Variants in GRIN2A observed in about 807,000 individuals in gnomAD.
The protein encoded by GRIN2A is glutamate ionotropic receptor NMDA type subunit 2A.
Under a neutral mutation model 113.4 loss-of-function variants are expected in GRIN2A, and 22 were observed. That is an observed-to-expected ratio of 0.19 (90% CI 0.14 to 0.28). The LOEUF (loss-of-function observed/expected upper bound fraction) is 0.28. Among genes scored for constraint, GRIN2A ranks in the 10% least tolerant of loss-of-function variants. The pLI is 1.00. For synonymous variants in GRIN2A, 827 were observed against 738.4 expected, an observed-to-expected ratio of 1.12 and a Z score of -1.94; for missense variants, 1,502 against 1,887.0, an observed-to-expected ratio of 0.80 and a Z score of 3.78.
At chr16:9,775,199 C>A (rs1313339906) in intron 11 of GRIN2A, among the ~76,000 whole-genome samples, 1 of 152,132 alleles carries the variant, frequency 6.6e-6, no homozygotes, top group Non-Finnish European at 1.5e-5. Flanking sequence ...AGGCACACGT[C>A]TACATATTTT....
At chr16:10,061,663 G>T (rs1432238717) in intron 2 of GRIN2A, among the ~76,000 whole-genome samples, 1 of 152,156 alleles carries the variant, frequency 6.6e-6, no homozygotes, top group African/African-American at 2.4e-5. Context: ...TAAACTCTAA[G>T]TGCCTCTTTT....
intron 11 of GRIN2A, among the ~76,000 whole-genome samples, chr16:9,793,229 G>A (rs1032247236): frequency 8.5e-5 from 13 of 152,102 alleles, no homozygotes. Context: ...ATAGATGAGA[G>A]GACCTAAAAC....
At chr16:10,101,086 T>C (rs974338787) in intron 2 of GRIN2A, among the ~76,000 whole-genome samples, 2 of 152,200 alleles carry the variant, frequency 1.3e-5, no homozygotes, top group African/African-American at 2.4e-5. Flanking sequence ...TGACAGGGCA[T>C]GAGGGGGACA....
At chr16:9,888,259 C>T (rs1420354432) in intron 4 of GRIN2A, among the ~76,000 whole-genome samples, 1 of 152,166 alleles carries the variant, frequency 6.6e-6, no homozygotes, top group Non-Finnish European at 1.5e-5. Flanking sequence ...CAGTGGCTAA[C>T]AGTGTCTTTA....
rs530297531 is a variant in GRIN2A at position 10,061,709 on chromosome 16, C to G, written c.414+118289G>C. Among the ~76,000 whole-genome samples, 8 of 152,162 alleles carry G rather than the reference C, an allele frequency of 5.3e-5. No homozygotes were observed. The East Asian group carries it at 1.2e-3, about 22-fold the overall frequency. On this transcript the variant is annotated intron_variant, in intron 2 of 12. Coordinates refer to ENST00000330684, the MANE Select transcript of GRIN2A (RefSeq NM_001134407.3). ...AGAAGGTTAGTAGTGGCAAAGGCAA[C>G]AAAAAAGTCACAGTGATGAATAGAA...
At chr16:10,027,246 T>C (rs2046840587) in intron 2 of GRIN2A, among the ~76,000 whole-genome samples, 1 of 152,202 alleles carries the variant, frequency 6.6e-6, no homozygotes, top group Non-Finnish European at 1.5e-5. Context: ...ATAAAGGAGT[T>C]GCCCATATTA....
intron 11 of GRIN2A, among the ~76,000 whole-genome samples, chr16:9,797,601 TC>T (rs1903081075): frequency 1.3e-5 from 2 of 152,198 alleles, no homozygotes; most frequent in African/African-American, 4.8e-5. Flanking sequence ...ACAACATGAC[TC>T]CACCGTGAGT....
At chr16:10,030,230 G>A (rs933648413) in intron 2 of GRIN2A, among the ~76,000 whole-genome samples, 81 of 151,588 alleles carry the variant, frequency 5.3e-4, no homozygotes, top group African/African-American at 7.3e-5. Context: ...CATTTCTCTC[G>A]TCCTTCAATA....
chr16:9,898,937 C>T (rs997295758), intron 3 of GRIN2A, among the ~76,000 whole-genome samples: 81 of 152,088 alleles, frequency 5.3e-4, no homozygotes, highest in African/African-American at 1.7e-3. Flanking sequence ...CTCTTTAGTA[C>T]AACTTCACTC....
At chr16:9,842,161 G>A (rs2042691853) in intron 5 of GRIN2A, among the ~76,000 whole-genome samples, 1 of 151,864 alleles carries the variant, frequency 6.6e-6, no homozygotes. Flanking sequence ...TGAGGCATAA[G>A]AATCACTTGA....
chr16:10,073,969 A>C (rs2047816443), intron 2 of GRIN2A, among the ~76,000 whole-genome samples: 1 of 151,926 alleles, frequency 6.6e-6, no homozygotes, highest in Non-Finnish European at 1.5e-5. Flanking sequence ...AAATATTTGC[A>C]AATTATATAT....
chr16:9,776,251 A>G (rs1218901803), intron 11 of GRIN2A, among the ~76,000 whole-genome samples: 2 of 150,298 alleles, frequency 1.3e-5, no homozygotes, highest in African/African-American at 2.4e-5. Context: ...ATATGACGCC[A>G]TGGTTTCCTC....
intron 3 of GRIN2A, among the ~76,000 whole-genome samples, chr16:9,892,784 G>A (rs1042585430): frequency 8.5e-5 from 13 of 152,160 alleles, no homozygotes; most frequent in African/African-American, 2.9e-4. Context: ...ATGTGATGTC[G>A]TTAAAGACAT....
At chr16:9,837,803 T>A (rs2042608114) in intron 7 of GRIN2A, among the ~76,000 whole-genome samples, 1 of 152,146 alleles carries the variant, frequency 6.6e-6, no homozygotes, top group Non-Finnish European at 1.5e-5. Flanking sequence ...AATACGAGTA[T>A]CTGAATCCAT....
intron 2 of GRIN2A, among the ~76,000 whole-genome samples, chr16:10,074,275 T>C (rs12102832): frequency 0.14 from 21,246 of 152,212 alleles, 2,001 homozygotes; most frequent in African/African-American, 0.27. Flanking sequence ...ACACTGATTG[T>C]GAGAATGTAA....
chr16:10,120,383 A>T (rs2048810189), intron 2 of GRIN2A, among the ~76,000 whole-genome samples: 1 of 152,194 alleles, frequency 6.6e-6, no homozygotes, highest in Non-Finnish European at 1.5e-5. Context: ...CCAAGGTTAA[A>T]TCTTGATATT....
chr16:9,810,889 C>T (rs770519491), intron 10 of GRIN2A, among the ~76,000 whole-genome samples: 14 of 152,188 alleles, frequency 9.2e-5, no homozygotes, highest in Admixed American at 2.6e-4. Context: ...GGAGGTGGGG[C>T]TTGCTTTGGG....
intron 4 of GRIN2A, among the ~76,000 whole-genome samples, chr16:9,877,671 T>TTCTTCCCCTCTC (rs1186380738): frequency 1.0e-5 from 1 of 97,624 alleles, no homozygotes; most frequent in Non-Finnish European, 1.9e-5. Context: ...CTCTCTCCCC[T>TTCTTCCCCTCTC]TCTTCCCCTC....
chr16:9,974,577 G>A (rs1041843409), intron 2 of GRIN2A, among the ~76,000 whole-genome samples: 4 of 152,164 alleles, frequency 2.6e-5, no homozygotes, highest in Admixed American at 6.6e-5. Flanking sequence ...TCTTGCCGAT[G>A]CTCGCGGCCG....
Sources: allele counts gnomAD v4.1 joint callset (sites outside exome capture counted in the v4.1 genomes callset), GRCh38; gene constraint gnomAD v4.1.1; transcripts MANE v1.5; gene names NCBI Gene and HGNC (gene_info 2026-07-23, HGNC 2026-07-21).